The following SLC39A11 variants were observed in gnomAD, a reference collection of about 807,000 sequenced individuals.
SLC39A11 encodes solute carrier family 39 member 11, also known as zinc transporter ZIP11.
A neutral mutation model predicts 36.1 loss-of-function variants in SLC39A11; 33 were observed. That is an observed-to-expected ratio of 0.91 (90% CI 0.69 to 1.22). SLC39A11 has a LOEUF of 1.22. Ranked by LOEUF, SLC39A11 falls within the 50% of genes most tolerant of loss-of-function variation. The probability of loss-of-function intolerance (pLI) is 0.00; values close to 1 mark genes in which losing one functional copy is unlikely to be tolerated. For synonymous variants in SLC39A11, 166 were observed against 170.3 expected (o/e 0.97, Z 0.20); for missense variants, 432 against 430.3 (o/e 1.00, Z -0.03).
chr17:72,855,667 T>A (rs887792442), intron 5 of SLC39A11, among the ~76,000 whole-genome samples: 2 of 151,806 alleles, frequency 1.3e-5, no homozygotes, highest in African/African-American at 4.8e-5. Flanking sequence ...GAGGCCGAGG[T>A]GGGCAGATCA....
At chr17:73,064,955 C>T (rs2059955561) in intron 3 of SLC39A11, among the ~76,000 whole-genome samples, 1 of 152,206 alleles carries the variant, frequency 6.6e-6, no homozygotes, top group Non-Finnish European at 1.5e-5. Context: ...GCCTGAGGAA[C>T]ACCAAGACAG....
chr17:72,882,500 C>G (rs2081245171), intron 5 of SLC39A11, among the ~76,000 whole-genome samples: 1 of 152,108 alleles, frequency 6.6e-6, no homozygotes, highest in Admixed American at 6.5e-5. Flanking sequence ...AACTCAGCAA[C>G]TATCACAGAA....
intron 6 of SLC39A11, among the ~76,000 whole-genome samples, chr17:72,801,819 C>T (rs1372508115): frequency 6.6e-6 from 1 of 152,078 alleles, no homozygotes; most frequent in African/African-American, 2.4e-5. Flanking sequence ...ATCATAAAAT[C>T]GTACATAAAA....
intron 6 of SLC39A11, among the ~76,000 whole-genome samples, chr17:72,797,318 A>C (rs2076929902): frequency 1.3e-5 from 2 of 152,088 alleles, no homozygotes; most frequent in African/African-American, 4.8e-5. Flanking sequence ...GAGCCTCTGC[A>C]GGGCTCAGTG....
chr17:72,878,370 T>C (rs1173806178), intron 5 of SLC39A11, among the ~76,000 whole-genome samples: 3 of 152,178 alleles, frequency 2.0e-5, no homozygotes, highest in Non-Finnish European at 2.9e-5. Flanking sequence ...CATTAGGGTA[T>C]TGTCTTCATG....
At chr17:72,741,182 T>C (rs747210171) in intron 6 of SLC39A11, among the ~76,000 whole-genome samples, 1 of 152,106 alleles carries the variant, frequency 6.6e-6, no homozygotes, top group Non-Finnish European at 1.5e-5. Flanking sequence ...GTTAATTCTA[T>C]GTAGTTATGA....
At position 73,031,642 on chromosome 17, in the gene SLC39A11, C is replaced by T. The variant is rs144527380; in HGVS notation, c.220G>A (p.Gly74Ser). 2,623 of 1,614,110 alleles carry T rather than the reference C, an allele frequency of 1.6e-3. 2 individuals are homozygous for T. Among genetic ancestry groups the T allele is most frequent in the Non-Finnish European group, 2.1e-3 (2,423 of 1,180,024 alleles). The change falls in exon 4 of 10, where the codon GGT (glycine) becomes AGT (serine). Residue 74 changes from glycine to serine, a missense_variant. By Grantham distance (56) the Gly-to-Ser change is moderately conservative. Coordinates refer to ENST00000255559, the MANE Select transcript of SLC39A11 (RefSeq NM_139177.4). ...GCCACAGGGAAGAAGGCAAAGGCAC[C>T]GAAGCCCCCAGAGGACGTGGCCATC... ...VEMATSSGGF[G>S]AFAFFPVAVG... is the part of the protein sequence containing the mutation.
At chr17:72,749,439 G>C (rs1195259445) in intron 6 of SLC39A11, among the ~76,000 whole-genome samples, 1 of 152,160 alleles carries the variant, frequency 6.6e-6, no homozygotes, top group African/African-American at 2.4e-5. Context: ...CTTATGTTCT[G>C]GGGAACCTTG....
At chr17:72,934,773 A>G (rs1369158188) in intron 5 of SLC39A11, among the ~76,000 whole-genome samples, 1 of 152,258 alleles carries the variant, frequency 6.6e-6, no homozygotes, top group Non-Finnish European at 1.5e-5. Flanking sequence ...TGAGCACATG[A>G]AAAGATGCTC....
At chr17:72,779,903 T>C (rs2144846299) in intron 6 of SLC39A11, among the ~76,000 whole-genome samples, 1 of 151,950 alleles carries the variant, frequency 6.6e-6, no homozygotes, top group Admixed American at 6.6e-5. Flanking sequence ...GGGCAAGGAG[T>C]CTGTGGCACC....
intron 7 of SLC39A11, among the ~76,000 whole-genome samples, chr17:72,663,337 G>C (rs1272069136): frequency 6.6e-6 from 1 of 152,160 alleles, no homozygotes; most frequent in Non-Finnish European, 1.5e-5. Flanking sequence ...TTTTTAAAAA[G>C]ATATTTTACT....
intron 3 of SLC39A11, among the ~76,000 whole-genome samples, chr17:73,070,343 A>G (rs774982914): frequency 6.6e-6 from 1 of 152,138 alleles, no homozygotes; most frequent in Non-Finnish European, 1.5e-5. Flanking sequence ...CCTTCCATAG[A>G]CAGGGCTGCA....
intron 6 of SLC39A11, among the ~76,000 whole-genome samples, chr17:72,745,194 G>A (rs1308136913): frequency 6.6e-6 from 1 of 152,218 alleles, no homozygotes; most frequent in Non-Finnish European, 1.5e-5. Flanking sequence ...ACATTTATGG[G>A]CATTGGTAAT....
At chr17:72,725,368 T>C (rs2073883079) in intron 7 of SLC39A11, 1 of 152,030 alleles carries the variant, frequency 6.6e-6, no homozygotes, top group African/African-American at 2.4e-5. Context: ...ATTCCCAACA[T>C]GGGAAAATAA....
chr17:72,710,012 T>A (rs2073051097), intron 7 of SLC39A11, among the ~76,000 whole-genome samples: 1 of 152,246 alleles, frequency 6.6e-6, no homozygotes, highest in South Asian at 2.1e-4. Flanking sequence ...CAAATTGATC[T>A]GGTTGCTCTT....
chr17:72,910,605 C>T (rs2082930153), intron 5 of SLC39A11, among the ~76,000 whole-genome samples: 1 of 116,664 alleles, frequency 8.6e-6, no homozygotes, highest in Non-Finnish European at 1.6e-5. Context: ...TCCTGGGCAA[C>T]AGAGCAAGAC....
At chr17:73,057,841 G>A (rs1046527877) in intron 3 of SLC39A11, among the ~76,000 whole-genome samples, 5 of 152,132 alleles carry the variant, frequency 3.3e-5, no homozygotes, top group East Asian at 1.9e-4. Context: ...GGAGGCTGAC[G>A]CACAAGAATC....
intron 6 of SLC39A11, among the ~76,000 whole-genome samples, chr17:72,812,996 T>A (rs1287186362): frequency 1.3e-5 from 2 of 152,184 alleles, no homozygotes; most frequent in African/African-American, 4.8e-5. Context: ...CCAATCCGAT[T>A]TTCTCTTCCA....
intron 5 of SLC39A11, among the ~76,000 whole-genome samples, chr17:72,945,137 C>T (rs1289884888): frequency 2.6e-5 from 4 of 152,048 alleles, no homozygotes; most frequent in Non-Finnish European, 5.9e-5. Context: ...TACCTAAGTC[C>T]CAAAATATCC....
Sources: gnomAD v4.1 joint callset for allele counts (sites outside exome capture counted in the v4.1 genomes callset) on GRCh38, gnomAD v4.1.1 for gene constraint, MANE v1.5 for transcripts, NCBI Gene and HGNC (gene_info 2026-07-23, HGNC 2026-07-21) for gene names.